COL6A3: variants seen among roughly 807,000 people sequenced by gnomAD.
COL6A3 encodes the protein collagen type VI alpha 3 chain, also known as collagen alpha-3(VI) chain.
COL6A3 carries 137 observed loss-of-function variants against 274.1 expected under a neutral mutation model. That is an observed-to-expected ratio of 0.50 (90% confidence interval 0.44 to 0.58). COL6A3 has a LOEUF of 0.58. Ranked by LOEUF, COL6A3 falls within the 20% of genes least tolerant of loss-of-function variation. COL6A3 has a pLI of 0.00. For missense variants in COL6A3, 3,950 were observed against 4,124.9 expected (o/e 0.96, Z 1.16); for synonymous variants, 1,650 against 1,650.6 (o/e 1.00, Z 0.01).
intron 1 of COL6A3, among the ~76,000 whole-genome samples, chr2:237,410,123 T>G (rs1231649876): frequency 6.6e-6 from 1 of 152,106 alleles, no homozygotes; most frequent in Non-Finnish European, 1.5e-5. Flanking sequence ...CAAGCTCTGC[T>G]GAGATGGTCA....
rs2078194025 is a variant in COL6A3 at position 237,387,992 on chromosome 2, G to A, written c.902C>T (p.Thr301Ile). ...CACTGCACCCAGAACCTGGGCCTTG[G>A]TGGAGTAGGTGTCCAAGGAGAACAT... ...RTMFSLDTYS[T>I]KAQVLGAVKA... Residue 301 changes from threonine to isoleucine, a missense_variant, in exon 4 of 44, where the codon ACC becomes ATC. By Grantham distance (89) the Thr-to-Ile change is moderately conservative. This residue lies in a region of COL6A3 where 1,934 missense variants were observed against 1,984.3 expected (regional missense o/e 0.97). Coordinates refer to ENST00000295550, the MANE Select transcript of COL6A3 (RefSeq NM_004369.4). 2.5e-6 allele frequency: 4 copies of A among 1,614,230 alleles called. No homozygotes were observed. The East Asian group carries it at 8.9e-5, about 36-fold the overall frequency.
rs772269570 is a variant in COL6A3, at chr2:237,365,895, G to A, written c.5641C>T (p.Arg1881Cys). ...ACTGACACACGCACGGTGGGCGAGC[G>A]GCCACCGCTGCAGCTGACCCTGTGC... is the stretch of plus-strand genomic sequence containing the variant. ...QMHRVSCSGG[R>C]SPTVRVSVVA... is the part of the protein sequence containing the mutation. The change falls in exon 12 of 44, where the codon CGC becomes TGC. Residue 1881 changes from arginine to cysteine, a missense_variant. By Grantham distance (180) the Arg-to-Cys change is radical. This residue lies in a region of COL6A3 where 632 missense variants were observed against 623.4 expected (regional missense o/e 1.01). Transcript: ENST00000295550. The A allele has an allele frequency of 8.7e-6, 14 of 1,614,004 alleles. No individual in the cohort carries two copies. Among genetic ancestry groups the A allele is most frequent in the Middle Eastern group, 1.6e-4 (1 of 6,084 alleles).
chr2:237,356,067 C>A (rs1380369716), intron 23 of COL6A3, among the ~76,000 whole-genome samples: 1 of 152,176 alleles, frequency 6.6e-6, no homozygotes, highest in East Asian at 1.9e-4. Context: ...GGATAGCAGG[C>A]CATTAGACCA....
Position 237,394,945 on chromosome 2 carries a change from C to G in COL6A3, c.351G>C (p.Gln117His). Reference protein sequence around the residue: ...SNMSYIGGTNQTGKGLEYIMQ... With the variant: ...SNMSYIGGTNHTGKGLEYIMQ... ...TTATGTATTCTAATCCTTTTCCAGT[C>G]TGATTGGTTCCCCCAATATAAGACA... is the stretch of plus-strand genomic sequence containing the variant. The change falls in exon 3 of 44, where the codon CAG (glutamine) becomes CAC (histidine). Residue 117 changes from glutamine to histidine, a missense_variant. Physicochemically the swap from Gln to His is conservative, Grantham distance 24. Coordinates refer to ENST00000295550, the MANE Select transcript of COL6A3 (RefSeq NM_004369.4). 6.2e-7 allele frequency: 1 copy of G among 1,614,030 alleles called. No homozygotes were observed.
In COL6A3 at chr2:237,353,207, T is replaced by C. The variant is rs2646257; in HGVS notation, c.6690+134A>G. 0.16 allele frequency: 134,491 copies of C among 832,922 alleles called. 12,166 individuals are homozygous for C. The highest frequency in any genetic ancestry group is 0.3 in the African/African-American group (17,659 of 59,602). 51.6% of individuals were successfully genotyped at this position (832,922 alleles called of 1,614,324 possible). On this transcript the variant is annotated intron_variant, in intron 25 of 43. Transcript: ENST00000295550. Reference sequence around the variant, plus strand: ...AGATAGAGGTGATGATTGCACAGCATTGTGGAAGTACCAAATGCCACTGGA... The same window carrying C: ...AGATAGAGGTGATGATTGCACAGCACTGTGGAAGTACCAAATGCCACTGGA...
Position 237,344,022 on chromosome 2 carries a change from AG to A in COL6A3, c.7668+327del, listed in dbSNP as rs1371916723. 2.4e-6 allele frequency: 1 copy of A among 412,146 alleles called. No homozygotes were observed. Among genetic ancestry groups the A allele is most frequent in the Non-Finnish European group, 4.6e-6 (1 of 218,954 alleles). 25.5% of individuals were successfully genotyped at this position (412,146 alleles called of 1,614,324 possible). On this transcript the variant is annotated intron_variant, in intron 36 of 43. Transcript: ENST00000295550. The surrounding 1 kb of genome is among the most constrained non-coding windows in gnomAD (Gnocchi z 4.8). ...GGAGACAGGAAGGATGCAAACGTCC[AG>A]GTCCTCATGAATAAAGCAAACAAGT...
At chr2:237,403,201 G>A (rs971907571) in intron 1 of COL6A3, among the ~76,000 whole-genome samples, 13 of 152,154 alleles carry the variant, frequency 8.5e-5, no homozygotes, top group African/African-American at 2.4e-4. Flanking sequence ...GTCAGGCCCA[G>A]AGGGAGAAGC....
At chr2:237,411,757 C>T (rs540289643) in intron 1 of COL6A3, among the ~76,000 whole-genome samples, 4 of 152,300 alleles carry the variant, frequency 2.6e-5, no homozygotes, top group African/African-American at 9.6e-5. Flanking sequence ...CAGAAAGGTG[C>T]CTACCTCGTA....
intron 23 of COL6A3, chr2:237,355,789 C>T (rs994321400): frequency 6.6e-6 from 1 of 152,214 alleles, no homozygotes; most frequent in African/African-American, 2.4e-5. Context: ...GTAATGCCAC[C>T]TGCTTCAGCG....
At chr2:237,336,599 C>T (rs1248156161) in intron 39 of COL6A3, 67 bp from the exon 40 acceptor site, 2 of 1,536,320 alleles carry the variant, frequency 1.3e-6, no homozygotes, top group Non-Finnish European at 1.8e-6. Context: ...AGACATAACC[C>T]CATGAGCTAC....
rs1559262847 is a variant in COL6A3 at position 237,381,495 on chromosome 2, A to C, written c.1317T>G (p.Ile439Met). Residue 439 changes from isoleucine to methionine, a missense_variant, in exon 5 of 44, where the codon ATT (isoleucine) becomes ATG (methionine). Ile to Met is a conservative substitution (Grantham distance 10). Transcript: ENST00000295550. ...LKPPTIVTQVIEVNKRDIVFL... is the reference protein window; with the variant it reads ...LKPPTIVTQVMEVNKRDIVFL... ...AGACTATGTCTCTCTTGTTGACTTC[A>C]ATGACTGTAGGTGGCAACATTATAA... 1.9e-6 allele frequency: 3 copies of C among 1,601,156 alleles called. No homozygotes were observed. Among genetic ancestry groups the C allele is most frequent in the Non-Finnish European group, 2.5e-6 (3 of 1,179,402 alleles).
Position 237,325,652 on chromosome 2 carries a change from G to C in COL6A3, c.9401C>G (p.Thr3134Ser). The change falls in exon 43 of 44, where the codon ACC becomes AGC. Residue 3134 changes from threonine (T) to serine (S), a missense_variant. Around this residue, in one of 5 missense-constraint regions of COL6A3, gnomAD observed 1,284 missense variants for 1,349.7 expected, o/e 0.95. Coordinates refer to ENST00000295550, the MANE Select transcript of COL6A3 (RefSeq NM_004369.4). The part of the protein sequence containing the change: ...FILKWYYDPN[T>S]KSCARFWYGG... ...ATACCAGAATCTTGCACAGCTTTTG[G>C]TGTTTGGATCATAGTACCATTTTAA... 3 of 1,614,094 alleles carry C rather than the reference G, an allele frequency of 1.9e-6. No homozygotes were observed. Among genetic ancestry groups the C allele is most frequent in the Non-Finnish European group, 2.5e-6 (3 of 1,179,984 alleles).
intron 1 of COL6A3, among the ~76,000 whole-genome samples, chr2:237,400,190 G>A (rs2078554657): frequency 6.6e-6 from 1 of 152,186 alleles, no homozygotes; most frequent in Admixed American, 6.5e-5. Flanking sequence ...CTGTTTCACA[G>A]ATTACAGCAT....
chr2:237,363,893 A>G (rs1468622343), intron 13 of COL6A3, among the ~76,000 whole-genome samples: 1 of 152,240 alleles, frequency 6.6e-6, no homozygotes, highest in Non-Finnish European at 1.5e-5. Context: ...ATCTGATAAT[A>G]GGCATGGCTG....
At chr2:237,382,249 G>A (rs1289240750) in intron 4 of COL6A3, among the ~76,000 whole-genome samples, 1 of 152,036 alleles carries the variant, frequency 6.6e-6, no homozygotes. Flanking sequence ...CGAGCGTGGG[G>A]GCAGACACCT....
In COL6A3 at chr2:237,407,550, C is replaced by T. The variant is rs1038298506; in HGVS notation, c.-31+6403G>A. Among the ~76,000 whole-genome samples the T allele has an allele frequency of 6.6e-6, 1 of 152,238 alleles. No individual in the cohort carries two copies. Among genetic ancestry groups the T allele is most frequent in the African/African-American group, 2.4e-5 (1 of 41,472 alleles). Reference sequence around the variant, plus strand: ...GAGAGCACCTGTAAGAATATGCCGACCTGCAGCCAGGCTTAGGCCAAGCTC... The same window carrying T: ...GAGAGCACCTGTAAGAATATGCCGATCTGCAGCCAGGCTTAGGCCAAGCTC... On this transcript the variant is annotated intron_variant, in intron 1 of 43. Transcript: ENST00000295550. The surrounding 1 kb of genome is among the most constrained non-coding windows in gnomAD (Gnocchi z 4.3).
Position 237,344,812 on chromosome 2 carries a change from T to C in COL6A3, c.7206A>G (p.Glu2402=). ...CAGAGGTGTCTAAAGCAAAGGCTAG[T>C]TCTGTTGGGAAGACGGGGCACTCCA... ...GPLECPVFPT[E]LAFALDTSEG... The change falls in exon 36 of 44, where the codon GAA becomes GAG. Residue 2402 remains glutamate, a synonymous_variant. Coordinates refer to ENST00000295550, the MANE Select transcript of COL6A3 (RefSeq NM_004369.4). The surrounding 1 kb of genome is among the most constrained non-coding windows in gnomAD (Gnocchi z 4.8). The C allele has an allele frequency of 6.2e-7, 1 of 1,612,228 alleles. No individual in the cohort carries two copies. Among genetic ancestry groups the C allele is most frequent in the Non-Finnish European group, 8.5e-7 (1 of 1,179,784 alleles).
chr2:237,360,746 G>T (rs797001762), intron 16 of COL6A3, among the ~76,000 whole-genome samples: 1 of 152,206 alleles, frequency 6.6e-6, no homozygotes, highest in African/African-American at 2.4e-5. Context: ...TACCCTTAAC[G>T]GGGTAACCCC....
Position 237,364,377 on chromosome 2 carries a change from T to C in COL6A3, c.5890A>G (p.Arg1964Gly). The stretch of plus-strand genomic sequence containing the variant: ...TCTTGGCGGAGGTTCTCAGATGCTC[T>C]GTGTAAATCAGCCAGATCTCCGTCT... The part of the protein sequence containing the change: ...GADGDLADLH[R>G]ASENLRQEGV... Residue 1964 changes from arginine to glycine, a missense_variant, in exon 13 of 44, where the codon AGA becomes GGA. Transcript: ENST00000295550. The surrounding 1 kb of genome is among the most constrained non-coding windows in gnomAD (Gnocchi z 4.6). The C allele has an allele frequency of 1.9e-6, 3 of 1,614,098 alleles. No individual in the cohort carries two copies. Among genetic ancestry groups the C allele is most frequent in the Non-Finnish European group, 2.5e-6 (3 of 1,179,974 alleles).
Sources: allele counts gnomAD v4.1 joint callset (sites outside exome capture counted in the v4.1 genomes callset), GRCh38; gene constraint gnomAD v4.1.1; regional missense constraint gnomAD v4.1.1; non-coding constraint Gnocchi (gnomAD v3.1); transcripts MANE v1.5; gene names NCBI Gene and HGNC (gene_info 2026-07-23, HGNC 2026-07-21).